The following UNC5D variants were observed in gnomAD, a reference collection of about 807,000 sequenced individuals.
The protein encoded by UNC5D is unc-5 netrin receptor D.
Under a neutral mutation model 105.4 loss-of-function variants are expected in UNC5D, and 39 were observed. The observed-to-expected ratio is 0.37, with a 90% CI of 0.29 to 0.48. The LOEUF (loss-of-function observed/expected upper bound fraction) is 0.48, where lower values mean the gene tolerates loss of function less well. Among genes scored for constraint, UNC5D ranks in the 20% least tolerant of loss-of-function variants. The pLI is 0.98. For synonymous variants in UNC5D, 452 were observed against 450.4 expected (o/e 1.00, Z -0.04); for missense variants, 991 against 1,202.4 (o/e 0.82, Z 2.60).
At chr8:35,731,199 G>C in intron 11 of UNC5D, 103 bp downstream of exon 11, 1 of 1,087,420 alleles carries the variant, frequency 9.2e-7, no homozygotes, top group East Asian at 2.5e-5. Flanking sequence ...AGGAGTTCGA[G>C]ACCAGCCTGG....
At chr8:35,661,589 G>A (rs1044914244) in intron 4 of UNC5D, among the ~76,000 whole-genome samples, 5 of 152,076 alleles carry the variant, frequency 3.3e-5, no homozygotes, top group African/African-American at 9.7e-5. Flanking sequence ...ACTTTTCTAC[G>A]TTGATCCTTA....
At chr8:35,507,196 C>T (rs1250164663) in intron 1 of UNC5D, among the ~76,000 whole-genome samples, 2 of 150,158 alleles carry the variant, frequency 1.3e-5, no homozygotes, top group East Asian at 3.9e-4. Context: ...GCTGGGACTA[C>T]AGGCGCCCGC....
chr8:35,715,532 G>A (rs1013174944), intron 8 of UNC5D, among the ~76,000 whole-genome samples: 1 of 152,110 alleles, frequency 6.6e-6, no homozygotes, highest in Admixed American at 6.5e-5. Context: ...CAAGTATTAA[G>A]AAATATTTAA....
chr8:35,542,040 C>T (rs1204331024), intron 1 of UNC5D, among the ~76,000 whole-genome samples: 1 of 152,128 alleles, frequency 6.6e-6, no homozygotes, highest in Non-Finnish European at 1.5e-5. Context: ...AAAGTAATAT[C>T]TTAGTCATAT....
At chr8:35,304,162 C>CAG (rs1808168923) in intron 1 of UNC5D, among the ~76,000 whole-genome samples, 1 of 152,004 alleles carries the variant, frequency 6.6e-6, no homozygotes, top group African/African-American at 2.4e-5. Context: ...TCATATTTCA[C>CAG]ATATTTCACT....
At position 35,767,605 on chromosome 8, in the gene UNC5D, C is replaced by T. The variant is rs534448307; in HGVS notation, c.2478+539C>T. Among the ~76,000 whole-genome samples the T allele has an allele frequency of 7.9e-5, 12 of 152,180 alleles. No individual in the cohort carries two copies. The South Asian group carries it at 2.3e-3, about 29-fold the overall frequency. On this transcript the variant is annotated intron_variant, in intron 15 of 16. Coordinates refer to ENST00000404895, the MANE Select transcript of UNC5D (RefSeq NM_080872.4). Reference sequence around the variant, plus strand: ...ACATCCACATTTTCATTACTCCCTTCCAATACAATAATATAAGGAGGACAG... The same window carrying T: ...ACATCCACATTTTCATTACTCCCTTTCAATACAATAATATAAGGAGGACAG...
chr8:35,716,511 C>T (rs1828258629), intron 8 of UNC5D, among the ~76,000 whole-genome samples: 1 of 152,152 alleles, frequency 6.6e-6, no homozygotes, highest in Non-Finnish European at 1.5e-5. Context: ...AATCATGAGG[C>T]TTTGAGAAAG....
At chr8:35,268,226 A>AT (rs1346174085) in intron 1 of UNC5D, among the ~76,000 whole-genome samples, 30 of 151,994 alleles carry the variant, frequency 2.0e-4, no homozygotes, top group East Asian at 1.4e-3. Flanking sequence ...GTATCTTCTG[A>AT]TTCTTTTTTA....
intron 1 of UNC5D, among the ~76,000 whole-genome samples, chr8:35,419,877 T>C (rs990528012): frequency 1.3e-5 from 2 of 152,080 alleles, no homozygotes; most frequent in African/African-American, 2.4e-5. Flanking sequence ...GTTTATTGAA[T>C]GACAGAACAG....
chr8:35,370,117 A>G (rs939471802), intron 1 of UNC5D, among the ~76,000 whole-genome samples: 1 of 152,124 alleles, frequency 6.6e-6, no homozygotes, highest in African/African-American at 2.4e-5. Flanking sequence ...GGCTTTCTCT[A>G]ATTAAATTGT....
intron 1 of UNC5D, among the ~76,000 whole-genome samples, chr8:35,316,874 C>T (rs2128882146): frequency 6.6e-6 from 1 of 152,128 alleles, no homozygotes; most frequent in African/African-American, 2.4e-5. Flanking sequence ...TATTAGGGAC[C>T]ACTAGAGGAC....
intron 4 of UNC5D, among the ~76,000 whole-genome samples, chr8:35,605,859 C>T (rs924861256): frequency 2.0e-5 from 3 of 152,118 alleles, no homozygotes; most frequent in South Asian, 2.1e-4. Flanking sequence ...TGGAGCTTTT[C>T]CTGAGACAGT....
chr8:35,426,166 G>C (rs566295847), intron 1 of UNC5D, among the ~76,000 whole-genome samples: 2 of 151,948 alleles, frequency 1.3e-5, no homozygotes, highest in African/African-American at 4.8e-5. Context: ...ACAATAAGAC[G>C]TGGATTCTTC....
chr8:35,387,057 T>C (rs1221379211), intron 1 of UNC5D, among the ~76,000 whole-genome samples: 1 of 151,854 alleles, frequency 6.6e-6, no homozygotes, highest in Non-Finnish European at 1.5e-5. Context: ...ACCTAGGTGC[T>C]TGTTAGAAAT....
chr8:35,641,366 C>CAAAAAAAAAACAAAAAAAAAAAAAAAAA (rs1822707276), intron 4 of UNC5D, among the ~76,000 whole-genome samples: 1 of 44,292 alleles, frequency 2.3e-5, no homozygotes. Context: ...AAAAATAAAG[C>CAAAAAAAAAACAAAAAAAAAAAAAAAAA]AAAAAAAAAA....
intron 1 of UNC5D, among the ~76,000 whole-genome samples, chr8:35,504,306 A>G (rs535887912): frequency 3.9e-5 from 6 of 152,308 alleles, no homozygotes; most frequent in African/African-American, 1.2e-4. Flanking sequence ...TGAAAAAATG[A>G]CAGCCTCATA....
intron 4 of UNC5D, among the ~76,000 whole-genome samples, chr8:35,628,076 C>A (rs1821800284): frequency 6.6e-6 from 1 of 152,004 alleles, no homozygotes; most frequent in South Asian, 2.1e-4. Flanking sequence ...GTAAAAATTA[C>A]CATTATTTTA....
At chr8:35,586,166 C>T (rs1201872205) in intron 3 of UNC5D, among the ~76,000 whole-genome samples, 2 of 152,064 alleles carry the variant, frequency 1.3e-5, no homozygotes, top group African/African-American at 4.8e-5. Flanking sequence ...CCCAGCTACT[C>T]CAGAGGCTGA....
chr8:35,498,590 G>GA (rs1811766745), intron 1 of UNC5D, among the ~76,000 whole-genome samples: 1 of 152,068 alleles, frequency 6.6e-6, no homozygotes, highest in African/African-American at 2.4e-5. Context: ...TACTGGGAAG[G>GA]AAAATGCAGG....
Sources: gnomAD v4.1 joint callset for allele counts (sites outside exome capture counted in the v4.1 genomes callset) on GRCh38, gnomAD v4.1.1 for gene constraint, MANE v1.5 for transcripts, NCBI Gene and HGNC (gene_info 2026-07-23, HGNC 2026-07-21) for gene names.